The following CA10 variants were observed in gnomAD, a reference collection of about 807,000 sequenced individuals.
CA10 encodes the protein carbonic anhydrase-related protein 10.
CA10 carries 14 observed loss-of-function variants against 44.2 expected under a neutral mutation model. The ratio of observed to expected loss-of-function variants is 0.32; its 90% confidence interval spans 0.21 to 0.50. The LOEUF is 0.50. Ranked by LOEUF, CA10 falls within the 20% of genes least tolerant of loss-of-function variation. The pLI, the probability that CA10 is intolerant of heterozygous loss-of-function variation, is 0.99. For missense variants in CA10, 350 were observed against 409.7 expected, an observed-to-expected ratio of 0.85 and a Z score of 1.26; for synonymous variants, 159 against 141.6, an observed-to-expected ratio of 1.12 and a Z score of -0.87.
At chr17:51,992,944 A>G (rs1214885154) in intron 2 of CA10, among the ~76,000 whole-genome samples, 3 of 152,144 alleles carry the variant, frequency 2.0e-5, no homozygotes, top group African/African-American at 7.2e-5. Context: ...TCGCGATAAA[A>G]TTCGATTTTG....
At chr17:51,861,257 T>C (rs997825301) in intron 3 of CA10, among the ~76,000 whole-genome samples, 1 of 152,198 alleles carries the variant, frequency 6.6e-6, no homozygotes, top group Admixed American at 6.5e-5. Context: ...TTTTTCATTC[T>C]GGCAGCAGCA....
At position 51,813,312 on chromosome 17, in the gene CA10, T is replaced by C. The variant is rs567496090; in HGVS notation, c.280-65494A>G. 3.5e-4 allele frequency among the ~76,000 whole-genome samples: 53 copies of C among 152,352 alleles called. 1 individual carries two copies. Among genetic ancestry groups the C allele is most frequent in the Admixed American group, 1.2e-3 (18 of 15,308 alleles). ...ATTATATCAGAACGTGGAGCTTCAG[T>C]ACTGCACACCTACGGTGCAGGTTTT... is the stretch of plus-strand genomic sequence containing the variant. On this transcript the variant is annotated intron_variant, in intron 3 of 8. Coordinates refer to ENST00000451037, the MANE Select transcript of CA10 (RefSeq NM_020178.5).
At chr17:51,999,370 G>A (rs767461470) in intron 2 of CA10, among the ~76,000 whole-genome samples, 5 of 152,002 alleles carry the variant, frequency 3.3e-5, no homozygotes, top group Non-Finnish European at 5.9e-5. Flanking sequence ...TTGGAATTTT[G>A]TTTTTAAAAT....
At chr17:52,073,522 C>T (rs185660743) in intron 1 of CA10, among the ~76,000 whole-genome samples, 73 of 152,250 alleles carry the variant, frequency 4.8e-4, no homozygotes, top group Non-Finnish European at 9.3e-4. Flanking sequence ...AACTGAAGCC[C>T]ACTCCTTCTG....
intron 3 of CA10, among the ~76,000 whole-genome samples, chr17:51,867,521 G>A (rs1361078286): frequency 6.6e-6 from 1 of 152,182 alleles, no homozygotes; most frequent in Admixed American, 6.5e-5. Flanking sequence ...TGCTCACAGT[G>A]TTTATTCTCT....
At chr17:52,078,074 T>C (rs1987864294) in intron 1 of CA10, among the ~76,000 whole-genome samples, 1 of 152,242 alleles carries the variant, frequency 6.6e-6, no homozygotes, top group Non-Finnish European at 1.5e-5. Context: ...CCAAAGATGA[T>C]GTGATCTGGC....
chr17:51,873,968 G>A (rs1311604130), intron 3 of CA10, among the ~76,000 whole-genome samples: 1 of 152,326 alleles, frequency 6.6e-6, no homozygotes, highest in Non-Finnish European at 1.5e-5. Context: ...TTACTATTGT[G>A]CCTGGCTTCT....
chr17:51,821,937 G>C (rs913555073), intron 3 of CA10, among the ~76,000 whole-genome samples: 9 of 152,068 alleles, frequency 5.9e-5, no homozygotes, highest in Admixed American at 2.6e-4. Context: ...AGTATGACCT[G>C]TGGTCACCCC....
At chr17:51,756,168 C>T (rs1195076946) in intron 3 of CA10, among the ~76,000 whole-genome samples, 1 of 151,950 alleles carries the variant, frequency 6.6e-6, no homozygotes, top group Non-Finnish European at 1.5e-5. Context: ...GCTGATAGAC[C>T]ACAACATCCA....
chr17:52,080,615 T>C, intron 1 of CA10, among the ~76,000 whole-genome samples: 1 of 151,998 alleles, frequency 6.6e-6, no homozygotes, highest in Admixed American at 6.6e-5. Flanking sequence ...GCAATTTGGG[T>C]TTACCACACA....
At chr17:51,889,377 A>C (rs925725660) in intron 3 of CA10, among the ~76,000 whole-genome samples, 48 of 152,098 alleles carry the variant, frequency 3.2e-4, no homozygotes, top group African/African-American at 1.1e-3. Context: ...CAAAAAAATT[A>C]GCTAGGTGTT....
intron 1 of CA10, among the ~76,000 whole-genome samples, chr17:52,144,304 TG>T (rs1377507404): frequency 6.6e-6 from 1 of 152,212 alleles, no homozygotes; most frequent in Non-Finnish European, 1.5e-5. Context: ...ACTTCTTTAT[TG>T]CTCTGGCAAA....
At chr17:52,149,610 C>A (rs1989661382) in intron 1 of CA10, among the ~76,000 whole-genome samples, 1 of 152,174 alleles carries the variant, frequency 6.6e-6, no homozygotes, top group Admixed American at 6.5e-5. Context: ...AAAAAAGTTA[C>A]AGAAAACCTT....
chr17:51,872,937 C>T (rs1439854379), intron 3 of CA10, among the ~76,000 whole-genome samples: 1 of 152,200 alleles, frequency 6.6e-6, no homozygotes, highest in Non-Finnish European at 1.5e-5. Flanking sequence ...CATCTTACTC[C>T]ATATGCATGG....
At chr17:52,144,713 A>C (rs1160618291) in intron 1 of CA10, among the ~76,000 whole-genome samples, 1 of 152,216 alleles carries the variant, frequency 6.6e-6, no homozygotes, top group Non-Finnish European at 1.5e-5. Flanking sequence ...TTTCACATGC[A>C]TTGGCTCATT....
intron 2 of CA10, among the ~76,000 whole-genome samples, chr17:52,006,091 A>T (rs1456292651): frequency 6.6e-6 from 1 of 151,866 alleles, no homozygotes; most frequent in Non-Finnish European, 1.5e-5. Flanking sequence ...GAAGGCACAT[A>T]CTATAAAATC....
intron 1 of CA10, among the ~76,000 whole-genome samples, chr17:52,148,782 G>A (rs773825490): frequency 6.6e-6 from 1 of 152,108 alleles, no homozygotes; most frequent in Non-Finnish European, 1.5e-5. Context: ...ACACATTTGT[G>A]TGTCACTACA....
intron 3 of CA10, among the ~76,000 whole-genome samples, chr17:51,893,835 T>A (rs1980960111): frequency 6.6e-6 from 1 of 152,160 alleles, no homozygotes. Context: ...GGTCAATAGA[T>A]CAAAATTTTT....
chr17:51,711,950 G>T (rs1915955991), intron 4 of CA10, among the ~76,000 whole-genome samples: 1 of 152,162 alleles, frequency 6.6e-6, no homozygotes, highest in Non-Finnish European at 1.5e-5. Context: ...GGGGGAGAGG[G>T]GCAGCGGCTA....
Sources: allele counts gnomAD v4.1 joint callset (sites outside exome capture counted in the v4.1 genomes callset), GRCh38; gene constraint gnomAD v4.1.1; transcripts MANE v1.5; gene names NCBI Gene and HGNC (gene_info 2026-07-23, HGNC 2026-07-21).